Variants in PPP1CB observed in about 807,000 individuals in gnomAD.
PPP1CB encodes the protein serine/threonine-protein phosphatase PP1-beta catalytic subunit.
PPP1CB carries 2 observed loss-of-function variants against 43.7 expected under a neutral mutation model. The ratio of observed to expected loss-of-function variants is 0.05; its 90% CI spans 0.02 to 0.14. The LOEUF (loss-of-function observed/expected upper bound fraction) is 0.14, where lower values mean the gene tolerates loss of function less well. Ranked by LOEUF, PPP1CB falls within the 10% of genes least tolerant of loss-of-function variation. The pLI, the probability that PPP1CB is intolerant of heterozygous loss-of-function variation, is 1.00. For missense variants in PPP1CB, 84 were observed against 398.0 expected, an observed-to-expected ratio of 0.21 and a Z score of 6.71; for synonymous variants, 136 against 135.6, an observed-to-expected ratio of 1.00 and a Z score of -0.02.
chr2:28,762,545 A>G (rs1400898042), intron 1 of PPP1CB, among the ~76,000 whole-genome samples: 4 of 152,200 alleles, frequency 2.6e-5, no homozygotes, highest in African/African-American at 9.6e-5. Context: ...GTAGTTTAAT[A>G]GCTGTTCTAG....
At chr2:28,796,906 G>A (rs1486341380) in intron 7 of PPP1CB, among the ~76,000 whole-genome samples, 1 of 152,140 alleles carries the variant, frequency 6.6e-6, no homozygotes, top group African/African-American at 2.4e-5. Context: ...GATGTTGGCT[G>A]TGGGTTTGTC....
chr2:28,786,610 C>T lies in PPP1CB; in HGVS notation c.593-2048C>T, dbSNP rs905572340. On this transcript the variant is annotated intron_variant, in intron 5 of 7. Coordinates refer to ENST00000395366, the MANE Select transcript of PPP1CB (RefSeq NM_002709.3). ...CCATCCTGGCTAACACGGTGAAACC[C>T]CATCTCTACTAAAAATTCGCTGGGT... 5.9e-5 allele frequency among the ~76,000 whole-genome samples: 9 copies of T among 151,594 alleles called. 1 individual carries two copies. The highest frequency in any genetic ancestry group is 5.3e-4 in the Admixed American group (8 of 15,222).
rs756992160 is a variant in PPP1CB at position 28,799,175 on chromosome 2, T to C, written c.880-24T>C. On this transcript the variant is annotated intron_variant, in intron 7 of 7. Transcript: ENST00000395366. Reference sequence around the variant, plus strand: ...ACTTCTGTACATGAAAAAATAACATTATTTGTTAATAATTTACTTTAAGAT... The same window carrying C: ...ACTTCTGTACATGAAAAAATAACATCATTTGTTAATAATTTACTTTAAGAT... 7 of 1,427,962 alleles carry C rather than the reference T, an allele frequency of 4.9e-6. No individual in the cohort carries two copies. The African/African-American group carries it at 8.6e-5, about 18-fold the overall frequency. The allele number at this position is 1,427,962 out of a possible 1,614,324, so 88.5% of individuals were successfully genotyped here. A position where few individuals can be genotyped will look rare whatever the true frequency, so the allele number is the denominator to read the frequency against.
At position 28,752,105 on chromosome 2, in the gene PPP1CB, GGA is replaced by G. The variant is rs1218330239; in HGVS notation, c.-16_-15del. The G allele has an allele frequency of 2.6e-6, 4 of 1,550,200 alleles. No individual in the cohort carries two copies. Among genetic ancestry groups the G allele is most frequent in the South Asian group, 1.2e-5 (1 of 84,048 alleles). On this transcript the variant is annotated 5_prime_UTR_variant, in exon 1 of 8. Transcript: ENST00000395366. ...AAGCCCTTGTTCCCGCTGCTGGGAA[GGA>G]GAGTCTGTGCCGACAAGATGGCGGA...
chr2:28,762,067 T>C (rs575611474), intron 1 of PPP1CB, among the ~76,000 whole-genome samples: 39 of 152,292 alleles, frequency 2.6e-4, no homozygotes, highest in African/African-American at 8.7e-4. Flanking sequence ...GTGGAATTGC[T>C]TGAGGCCAGG....
At position 28,751,995 on chromosome 2, in the gene PPP1CB, A is replaced by C. The variant is rs1439652821; in HGVS notation, c.-130A>C. ...GGGGGTGGGGGGAGGGCCCGGGAAA[A>C]GGGGGAGTTGGAGCCGGGGTCGAAA... On this transcript the variant is annotated 5_prime_UTR_variant, in exon 1 of 8. Coordinates refer to ENST00000395366, the MANE Select transcript of PPP1CB (RefSeq NM_002709.3). 1 of 784,792 alleles carries C rather than the reference A, an allele frequency of 1.3e-6. No individual in the cohort carries two copies. Among genetic ancestry groups the C allele is most frequent in the Non-Finnish European group, 2.1e-6 (1 of 478,356 alleles). The allele number at this position is 784,792 out of a possible 1,614,324, so 48.6% of individuals were successfully genotyped here.
intron 1 of PPP1CB, among the ~76,000 whole-genome samples, chr2:28,763,351 A>AC (rs1012301806): frequency 2.0e-5 from 3 of 152,132 alleles, no homozygotes; most frequent in African/African-American, 7.2e-5. Flanking sequence ...GTGACTGACT[A>AC]CCAGTGGGGT....
chr2:28,798,887 A>G (rs1168563559), intron 7 of PPP1CB, among the ~76,000 whole-genome samples: 1 of 152,092 alleles, frequency 6.6e-6, no homozygotes, highest in Non-Finnish European at 1.5e-5. Flanking sequence ...TATGATGACA[A>G]CATAGATCTT....
At chr2:28,761,179 C>T (rs567767233) in intron 1 of PPP1CB, among the ~76,000 whole-genome samples, 2 of 152,186 alleles carry the variant, frequency 1.3e-5, no homozygotes, top group East Asian at 3.9e-4. Flanking sequence ...GGTGAGCCAC[C>T]GCGCCCGGCC....
chr2:28,785,013 G>C (rs1485361647), intron 5 of PPP1CB, among the ~76,000 whole-genome samples: 1 of 144,168 alleles, frequency 6.9e-6, no homozygotes, highest in African/African-American at 2.6e-5. Flanking sequence ...TAGATCCTCT[G>C]ATGTCAGTAG....
chr2:28,793,110 G>T (rs925950803), intron 6 of PPP1CB, among the ~76,000 whole-genome samples: 3 of 152,138 alleles, frequency 2.0e-5, no homozygotes, highest in African/African-American at 7.2e-5. Context: ...GGAGGCTGAG[G>T]CAGGAGAATG....
intron 4 of PPP1CB, chr2:28,782,073 TGTTTG>T: frequency 2.1e-6 from 1 of 481,524 alleles, no homozygotes; most frequent in Non-Finnish European, 3.7e-6. Context: ...TAACTAGAGT[TGTTTG>T]AGAAAGTCTC....
In PPP1CB at chr2:28,799,370, A is replaced by G. The variant is rs1266867940; in HGVS notation, c.*67A>G. 12 of 1,278,328 alleles carry G rather than the reference A, an allele frequency of 9.4e-6. No individual in the cohort carries two copies. The highest frequency in any genetic ancestry group is 1.3e-5 in the Non-Finnish European group (12 of 892,146). 79.2% of individuals were successfully genotyped at this position (1,278,328 alleles called of 1,614,324 possible). A position where few individuals can be genotyped will look rare whatever the true frequency, so the allele number is the denominator to read the frequency against. On this transcript the variant is annotated 3_prime_UTR_variant, in exon 8 of 8. Transcript: ENST00000395366. ...CATACTTCATAATATATAAGTGTGC[A>G]CTGTAAAACCATCCAGCCATTTGAC... is the stretch of plus-strand genomic sequence containing the variant.
chr2:28,788,177 A>G (rs1667311259), intron 5 of PPP1CB, among the ~76,000 whole-genome samples: 1 of 152,242 alleles, frequency 6.6e-6, no homozygotes, highest in South Asian at 2.1e-4. Flanking sequence ...AATGGAGGAT[A>G]CTAGCCCTAC....
intron 1 of PPP1CB, among the ~76,000 whole-genome samples, chr2:28,755,079 G>T (rs190958624): frequency 6.6e-6 from 1 of 151,534 alleles, no homozygotes; most frequent in Admixed American, 6.6e-5. Flanking sequence ...ACGGAGTTTT[G>T]CGCTTGTCAC....
intron 1 of PPP1CB, among the ~76,000 whole-genome samples, chr2:28,768,383 A>G (rs773092476): frequency 8.5e-5 from 13 of 152,208 alleles, no homozygotes; most frequent in Non-Finnish European, 1.9e-4. Flanking sequence ...TCTAACCTCA[A>G]AATCTGCAGT....
At chr2:28,756,355 G>GT (rs764665650) in intron 1 of PPP1CB, among the ~76,000 whole-genome samples, 34 of 152,106 alleles carry the variant, frequency 2.2e-4, no homozygotes, top group Middle Eastern at 3.2e-3. Context: ...TACCTGTTTT[G>GT]TTTTTTAAAT....
At chr2:28,774,580 C>G (rs1383619776) in intron 1 of PPP1CB, among the ~76,000 whole-genome samples, 40 of 152,114 alleles carry the variant, frequency 2.6e-4, no homozygotes, top group Admixed American at 2.6e-3. Context: ...CACCCGCCAC[C>G]ACTCCCGGCT....
chr2:28,753,785 G>C (rs1666408404), intron 1 of PPP1CB, among the ~76,000 whole-genome samples: 3 of 152,018 alleles, frequency 2.0e-5, no homozygotes, highest in African/African-American at 7.2e-5. Context: ...CCAGGCTGGA[G>C]TGCAATGGCA....
Sources: gnomAD v4.1 joint callset for allele counts (sites outside exome capture counted in the v4.1 genomes callset) on GRCh38, gnomAD v4.1.1 for gene constraint, MANE v1.5 for transcripts, NCBI Gene and HGNC (gene_info 2026-07-23, HGNC 2026-07-21) for gene names.